The following KLC1 variants were observed in gnomAD, a reference collection of about 807,000 sequenced individuals.
KLC1 encodes the protein kinesin light chain 1, also known as kinesin 2 60/70kDa.
In KLC1, 30 loss-of-function variants were observed where a neutral mutation model predicts 84.2. The ratio of observed to expected loss-of-function variants is 0.36; its 90% CI spans 0.27 to 0.48. The LOEUF (loss-of-function observed/expected upper bound fraction) is 0.48, where lower values mean the gene tolerates loss of function less well. Among genes scored for constraint, KLC1 ranks in the 20% least tolerant of loss-of-function variants. The pLI is 0.99. For synonymous variants in KLC1, 289 were observed against 293.3 expected, an observed-to-expected ratio of 0.99 and a Z score of 0.15; for missense variants, 499 against 805.4, an observed-to-expected ratio of 0.62 and a Z score of 4.60.
chr14:103,647,763 C>T (rs2078060979), intron 1 of KLC1, among the ~76,000 whole-genome samples: 1 of 150,940 alleles, frequency 6.6e-6, no homozygotes, highest in African/African-American at 2.4e-5. Context: ...GTAGTTCTAG[C>T]TACTTGGGAG....
chr14:103,669,539 A>G lies in KLC1; in HGVS notation c.826A>G (p.Asn276Asp), dbSNP rs2080203154. ...TCAGAATAAATACAAAGATGCAGCT[A>G]ACCTACTGAATGATGCCTTGGCTAT... is the stretch of plus-strand genomic sequence containing the variant. Reference protein sequence around the residue: ...RDQNKYKDAANLLNDALAIRE... With the variant: ...RDQNKYKDAADLLNDALAIRE... The change falls in exon 6 of 17, where the codon AAC becomes GAC. Residue 276 changes from asparagine to aspartate, a missense_variant. Asn to Asp is a conservative substitution (Grantham distance 23, BLOSUM62 1). Coordinates refer to ENST00000334553, the MANE Select transcript of KLC1 (RefSeq NM_001394837.1). 1 of 1,612,100 alleles carries G rather than the reference A, an allele frequency of 6.2e-7. No individual in the cohort carries two copies.
chr14:103,656,866 A>C (rs2151513527), intron 2 of KLC1, among the ~76,000 whole-genome samples: 1 of 152,324 alleles, frequency 6.6e-6, no homozygotes, highest in South Asian at 2.1e-4. Context: ...TAAAGAGAGA[A>C]CAGATTGCTG....
chr14:103,666,327 T>G (rs1307133522), intron 5 of KLC1, among the ~76,000 whole-genome samples: 3 of 152,168 alleles, frequency 2.0e-5, no homozygotes, highest in Non-Finnish European at 2.9e-5. Context: ...CCTCCCAAAG[T>G]GCTGGGATTA....
chr14:103,649,712 T>TC (rs2078257190), intron 1 of KLC1, among the ~76,000 whole-genome samples: 2 of 151,480 alleles, frequency 1.3e-5, no homozygotes, highest in South Asian at 2.1e-4. Context: ...TTTTTTTTTT[T>TC]CGAGACGGAG....
intron 13 of KLC1, chr14:103,684,017 A>G (rs116266394): frequency 0.053 from 8,068 of 152,246 alleles, 241 homozygotes; most frequent in South Asian, 0.092. Context: ...GTCTGTGCGA[A>G]AAAAACAAAA....
chr14:103,665,664 C>T (rs1423371940), intron 5 of KLC1, among the ~76,000 whole-genome samples: 1 of 152,166 alleles, frequency 6.6e-6, no homozygotes, highest in African/African-American at 2.4e-5. Context: ...CTCAAAACTC[C>T]TGACCTCAGG....
chr14:103,659,923 G>A (rs2079140264), intron 3 of KLC1, among the ~76,000 whole-genome samples: 1 of 152,064 alleles, frequency 6.6e-6, no homozygotes. Flanking sequence ...TTCTCATATG[G>A]TACAGAGAGA....
chr14:103,677,010 G>A (rs2151737267), intron 11 of KLC1, among the ~76,000 whole-genome samples: 1 of 152,336 alleles, frequency 6.6e-6, no homozygotes, highest in South Asian at 2.1e-4. Context: ...CTTGAGGGGA[G>A]ACGGCAGCAC....
intron 1 of KLC1, among the ~76,000 whole-genome samples, chr14:103,643,592 C>T (rs1465817754): frequency 6.6e-6 from 1 of 152,144 alleles, no homozygotes; most frequent in Non-Finnish European, 1.5e-5. Flanking sequence ...TGGTTTTATA[C>T]ATTTTAGAGA....
At chr14:103,667,180 C>T (rs2079934349) in intron 5 of KLC1, among the ~76,000 whole-genome samples, 1 of 151,414 alleles carries the variant, frequency 6.6e-6, no homozygotes, top group South Asian at 2.1e-4. Flanking sequence ...GGCACAATCT[C>T]AGCTCACTGC....
chr14:103,675,427 G>C, intron 9 of KLC1, 125 bp from the exon 10 acceptor site: 1 of 685,414 alleles, frequency 1.5e-6, no homozygotes, highest in South Asian at 1.9e-5. Context: ...TATTCAAAGT[G>C]CTCCAAAGTT....
rs908867719 is a variant in KLC1 at position 103,685,774 on chromosome 14, T to C, written c.1651-1307T>C. On this transcript the variant is annotated intron_variant, in intron 13 of 16. Transcript: ENST00000334553. ...GTCAGAGCTGCACCTCTCTGTGAAC[T>C]GGCCATTCCTTTCGGTGCTGCTGTC... is the stretch of plus-strand genomic sequence containing the variant. 8 of 1,255,420 alleles carry C rather than the reference T, an allele frequency of 6.4e-6. No individual in the cohort carries two copies. In the African/African-American group the frequency reaches 1.2e-4, roughly 19 times the overall value. 77.8% of individuals were successfully genotyped at this position (1,255,420 alleles called of 1,614,324 possible). A position where few individuals can be genotyped will look rare whatever the true frequency, so the allele number is the denominator to read the frequency against.
chr14:103,685,749 G>A (rs985064861), intron 13 of KLC1: 5 of 1,286,128 alleles, frequency 3.9e-6, no homozygotes, highest in Middle Eastern at 2.2e-4. Flanking sequence ...CTAGGATCTT[G>A]TCAGAGCTGC....
chr14:103,680,782 T>G (rs1755525732), intron 13 of KLC1, among the ~76,000 whole-genome samples: 1 of 152,222 alleles, frequency 6.6e-6, no homozygotes, highest in African/African-American at 2.4e-5. Context: ...ATGCTTCGTA[T>G]AGAAGGACAA....
chr14:103,693,707 C>G lies in KLC1; in HGVS notation c.1848+1282C>G. The G allele has an allele frequency of 4.0e-6, 6 of 1,498,358 alleles. No individual in the cohort carries two copies. In the South Asian group the frequency reaches 6.2e-5, roughly 16 times the overall value. The allele number at this position is 1,498,358 out of a possible 1,614,324, so 92.8% of individuals were successfully genotyped here. A position where few individuals can be genotyped will look rare whatever the true frequency, so the allele number is the denominator to read the frequency against. On this transcript the variant is annotated intron_variant, in intron 15 of 16. Transcript: ENST00000334553. This position sits in a 1 kb window ranked among gnomAD's most constrained non-coding sequence, Gnocchi z 5.1. ...CACCGCCCTGCCCGGAGGCGCCAGC[C>G]GCACTCCTTGGCTTCCTTTCCTAGA...
chr14:103,692,538 C>T (rs766259810), intron 15 of KLC1, 113 bp downstream of exon 15: 5 of 763,256 alleles, frequency 6.6e-6, no homozygotes, highest in African/African-American at 3.5e-5. Flanking sequence ...GGGCTGGGGA[C>T]GCCGCCACGT....
At chr14:103,637,750 A>C (rs966530399) in intron 1 of KLC1, among the ~76,000 whole-genome samples, 2 of 152,056 alleles carry the variant, frequency 1.3e-5, no homozygotes, top group East Asian at 3.9e-4. Context: ...TCTGTTGCCT[A>C]GGTTGGAGTG....
chr14:103,632,848 A>C (rs1321992961), intron 1 of KLC1, among the ~76,000 whole-genome samples: 1 of 152,166 alleles, frequency 6.6e-6, no homozygotes, highest in Non-Finnish European at 1.5e-5. Flanking sequence ...TCACAAAAGA[A>C]AAGTACCAAT....
At chr14:103,697,967 A>C (rs1290728918) in intron 15 of KLC1, 2 of 152,446 alleles carry the variant, frequency 1.3e-5, no homozygotes, top group African/African-American at 4.8e-5. Flanking sequence ...CTGGACGCCC[A>C]GACCCCCAGG....
Sources: gnomAD v4.1 joint callset for allele counts (sites outside exome capture counted in the v4.1 genomes callset) on GRCh38, gnomAD v4.1.1 for gene constraint, Gnocchi (gnomAD v3.1) non-coding constraint, MANE v1.5 for transcripts, NCBI Gene and HGNC (gene_info 2026-07-23, HGNC 2026-07-21) for gene names.